CRHR1: variants seen among roughly 807,000 people sequenced by gnomAD.
The protein encoded by CRHR1 is corticotropin releasing hormone receptor 1, also known as corticotropin-releasing hormone receptor 1.
A neutral mutation model predicts 56.0 loss-of-function variants in CRHR1; 28 were observed. The observed-to-expected ratio is 0.50, with a 90% confidence interval of 0.37 to 0.69. The LOEUF (loss-of-function observed/expected upper bound fraction) is 0.69. Among genes scored for constraint, CRHR1 ranks in the 30% least tolerant of loss-of-function variants. CRHR1 has a pLI of 0.00. For missense variants in CRHR1, 376 were observed against 548.0 expected, an observed-to-expected ratio of 0.69 and a Z score of 3.13; for synonymous variants, 195 against 216.5, an observed-to-expected ratio of 0.90 and a Z score of 0.87.
chr17:45,833,430 C>A (rs760031056), intron 9 of CRHR1, 22 bp from the exon 10 acceptor site: 9 of 1,613,104 alleles, frequency 5.6e-6, no homozygotes, highest in Non-Finnish European at 7.6e-6. Flanking sequence ...CACTCCGGCC[C>A]GCTGGTGTGC....
intron 3 of CRHR1, among the ~76,000 whole-genome samples, chr17:45,820,974 G>A (rs1427506137): frequency 6.6e-6 from 1 of 151,554 alleles, no homozygotes; most frequent in African/African-American, 2.4e-5. Flanking sequence ...CCATTTTTTT[G>A]CTGTCTTGCA....
chr17:45,793,648 G>A (rs2061466802), intron 1 of CRHR1, among the ~76,000 whole-genome samples: 2 of 152,330 alleles, frequency 1.3e-5, no homozygotes, highest in Non-Finnish European at 2.9e-5. Flanking sequence ...TGATGGCTGG[G>A]GCCTCATGGC....
intron 1 of CRHR1, among the ~76,000 whole-genome samples, chr17:45,797,423 T>C (rs2061541597): frequency 2.0e-5 from 3 of 151,542 alleles, no homozygotes; most frequent in Admixed American, 2.0e-4. Flanking sequence ...CCCGAGGAGC[T>C]GGGACTACAG....
chr17:45,830,272 G>C, intron 6 of CRHR1, 58 bp downstream of exon 6: 2 of 1,601,982 alleles, frequency 1.2e-6, no homozygotes, highest in Non-Finnish European at 1.7e-6. Context: ...CAGAGGAGGG[G>C]CCCGCCTGCC....
Position 45,784,452 on chromosome 17 carries a change from C to A in CRHR1, c.-93C>A, listed in dbSNP as rs1208781469. The stretch of plus-strand genomic sequence containing the variant: ...AGCGACCGAGGAGCCCGGCCGCCCA[C>A]CCCGTGCCGCCCGAGCCCGCAGCCG... On this transcript the variant is annotated 5_prime_UTR_variant, in exon 1 of 13. Coordinates refer to ENST00000314537, the MANE Select transcript of CRHR1 (RefSeq NM_004382.5). The surrounding 1 kb of genome is among the most constrained non-coding windows in gnomAD (Gnocchi z 4.2). 7.6e-7 allele frequency: 1 copy of A among 1,315,672 alleles called. No homozygotes were observed. Among genetic ancestry groups the A allele is most frequent in the Non-Finnish European group, 1.0e-6 (1 of 982,052 alleles). The allele number at this position is 1,315,672 out of a possible 1,614,324, so 81.5% of individuals were successfully genotyped here. A position where few individuals can be genotyped will look rare whatever the true frequency, so the allele number is the denominator to read the frequency against.
chr17:45,797,353 C>T (rs1025174244), intron 1 of CRHR1, among the ~76,000 whole-genome samples: 2 of 141,766 alleles, frequency 1.4e-5, no homozygotes, highest in East Asian at 2.1e-4. Flanking sequence ...TGCAGTGGCA[C>T]GATCTCGGCT....
intron 1 of CRHR1, among the ~76,000 whole-genome samples, chr17:45,794,625 G>A (rs1314621242): frequency 2.0e-5 from 3 of 152,224 alleles, no homozygotes; most frequent in Non-Finnish European, 2.9e-5. Flanking sequence ...ACCCAGTGGC[G>A]GGTTCTGAGC....
At chr17:45,786,892 C>T (rs1436330825) in intron 1 of CRHR1, among the ~76,000 whole-genome samples, 2 of 152,130 alleles carry the variant, frequency 1.3e-5, no homozygotes, top group Non-Finnish European at 2.9e-5. Flanking sequence ...CAGCCAGCCT[C>T]GGCCTCCCAA....
chr17:45,833,966 C>T lies in CRHR1; in HGVS notation c.1066-41C>T, dbSNP rs759546828. 5.6e-6 allele frequency: 9 copies of T among 1,613,728 alleles called. No homozygotes were observed. In the South Asian group the frequency reaches 9.9e-5, roughly 18 times the overall value. On this transcript the variant is annotated intron_variant, in intron 11 of 12. Coordinates refer to ENST00000314537, the MANE Select transcript of CRHR1 (RefSeq NM_004382.5). ...GGCAGCCCAGAGGCTGGGTGGGCAACACCTGCAGCCGACCTTTGACGCCTC... is the reference window on the plus strand; with the variant it reads ...GGCAGCCCAGAGGCTGGGTGGGCAATACCTGCAGCCGACCTTTGACGCCTC...
At chr17:45,808,919 C>G (rs1300800606) in intron 2 of CRHR1, among the ~76,000 whole-genome samples, 1 of 152,228 alleles carries the variant, frequency 6.6e-6, no homozygotes, top group Non-Finnish European at 1.5e-5. Context: ...GGTGATCCTC[C>G]TGTCTCAGCC....
At chr17:45,810,012 G>A (rs2061790822) in intron 2 of CRHR1, among the ~76,000 whole-genome samples, 1 of 152,240 alleles carries the variant, frequency 6.6e-6, no homozygotes, top group African/African-American at 2.4e-5. Flanking sequence ...AGGCACGGTG[G>A]CTCACGCCTG....
chr17:45,812,521 T>A (rs923423326), intron 2 of CRHR1, among the ~76,000 whole-genome samples: 8 of 152,172 alleles, frequency 5.3e-5, no homozygotes, highest in African/African-American at 1.7e-4. Context: ...GTCAGGCTTT[T>A]GTGGCACTGG....
At position 45,830,554 on chromosome 17, in the gene CRHR1, C is replaced by T; in HGVS notation, c.693C>T (p.Phe231=). 6.2e-7 allele frequency: 1 copy of T among 1,611,134 alleles called. No individual in the cohort carries two copies. Among genetic ancestry groups the T allele is most frequent in the Non-Finnish European group, 8.5e-7 (1 of 1,178,618 alleles). Residue 231 remains phenylalanine, a synonymous_variant, in exon 7 of 13, where the codon TTC becomes TTT. Transcript: ENST00000314537. ...CTGACCGGCTGCGCAAATGGATGTTCATCTGCATTGGCTGGGGTGAGCTGG... is the reference window on the plus strand; with the variant it reads ...CTGACCGGCTGCGCAAATGGATGTTTATCTGCATTGGCTGGGGTGAGCTGG... ...YSTDRLRKWM[F]ICIGWGVPFP...
intron 1 of CRHR1, among the ~76,000 whole-genome samples, chr17:45,786,636 CT>C (rs34895436): frequency 0.1 from 11,061 of 108,318 alleles, 426 homozygotes; most frequent in Non-Finnish European, 0.13. Flanking sequence ...AGAAAATATC[CT>C]TTTTTTTTTT....
In CRHR1 at chr17:45,792,460, C is replaced by G. The variant is rs115280428; in HGVS notation, c.33+7883C>G. The stretch of plus-strand genomic sequence containing the variant: ...AAAGAACCTGATGCTCCCCTAATCT[C>G]TTGCTCCTCACTCCTGGCCCTCTGC... On this transcript the variant is annotated intron_variant, in intron 1 of 12. Coordinates refer to ENST00000314537, the MANE Select transcript of CRHR1 (RefSeq NM_004382.5). Among the ~76,000 whole-genome samples, 868 of 152,310 alleles carry G rather than the reference C, an allele frequency of 5.7e-3. 9 individuals are homozygous for G. The highest frequency in any genetic ancestry group is 0.019 in the African/African-American group (809 of 41,540).
intron 4 of CRHR1, chr17:45,826,256 G>A (rs1209588515): frequency 6.6e-6 from 1 of 152,272 alleles, no homozygotes; most frequent in Non-Finnish European, 1.5e-5. Flanking sequence ...CACCTCTCAG[G>A]GTGTTCCTGG....
intron 1 of CRHR1, among the ~76,000 whole-genome samples, chr17:45,790,886 C>A (rs564710215): frequency 1.4e-4 from 21 of 152,290 alleles, no homozygotes; most frequent in African/African-American, 4.6e-4. Flanking sequence ...CTTAGTTGAA[C>A]CTTTGAGTGC....
Position 45,833,702 on chromosome 17 carries a change from G to GC in CRHR1, c.930-8dup. ...GCTGTGACTCCGAGCCTCCCCACCC[G>GC]CCCCACCCCAGGAAGGCTGTGAAAG... On this transcript the variant is annotated splice_polypyrimidine_tract_variant and intron_variant, in intron 10 of 12. Coordinates refer to ENST00000314537, the MANE Select transcript of CRHR1 (RefSeq NM_004382.5). The GC allele has an allele frequency of 2.5e-6, 1 of 404,620 alleles. No homozygotes were observed. The highest frequency in any genetic ancestry group is 2.7e-5 in the South Asian group (1 of 36,542). The allele number at this position is 404,620 out of a possible 1,614,324, so 25.1% of individuals were successfully genotyped here.
chr17:45,822,586 G>A (rs1466387344), intron 4 of CRHR1, among the ~76,000 whole-genome samples: 5 of 152,236 alleles, frequency 3.3e-5, no homozygotes, highest in African/African-American at 9.6e-5. Flanking sequence ...CCCATCTTGA[G>A]GTTCCCAGAC....
Sources: gnomAD v4.1 joint callset for allele counts (sites outside exome capture counted in the v4.1 genomes callset) on GRCh38, gnomAD v4.1.1 for gene constraint, Gnocchi (gnomAD v3.1) non-coding constraint, MANE v1.5 for transcripts, NCBI Gene and HGNC (gene_info 2026-07-23, HGNC 2026-07-21) for gene names.